Variants in JADE2 observed in about 807,000 individuals in gnomAD.
JADE2 encodes the protein E3 ubiquitin-protein ligase Jade-2.
In JADE2, 13 loss-of-function variants were observed where a neutral mutation model predicts 85.7. The observed-to-expected ratio is 0.15, with a 90% CI of 0.10 to 0.24. The LOEUF (loss-of-function observed/expected upper bound fraction) is 0.24, where lower values mean the gene tolerates loss of function less well. Ranked by LOEUF, JADE2 falls within the 10% of genes least tolerant of loss-of-function variation. The pLI is 1.00. For missense variants in JADE2, 846 were observed against 1,115.9 expected, an observed-to-expected ratio of 0.76 and a Z score of 3.45; for synonymous variants, 440 against 456.1, an observed-to-expected ratio of 0.96 and a Z score of 0.45.
At chr5:134,544,706 A>G (rs1762186287) in intron 3 of JADE2, among the ~76,000 whole-genome samples, 2 of 151,720 alleles carry the variant, frequency 1.3e-5, no homozygotes, top group South Asian at 4.2e-4. Flanking sequence ...AATGTGTAGC[A>G]CTTAGTCCCT....
Position 134,538,014 on chromosome 5 carries a change from A to G in JADE2, c.84A>G (p.Ser28=), listed in dbSNP as rs1416285023. Residue 28 remains serine, a synonymous_variant, in exon 3 of 12, where the codon TCA becomes TCG. Coordinates refer to ENST00000681547, the MANE Select transcript of JADE2 (RefSeq NM_001388185.1). The stretch of plus-strand genomic sequence containing the variant: ...GTCATGCGACATCTACATCCGCATC[A>G]AGATGCTCCAAACTGCCCAGCAGCA... ...TDSHATSTSA[S]RCSKLPSSTK... The G allele has an allele frequency of 1.2e-6, 2 of 1,614,166 alleles. No individual in the cohort carries two copies. The highest frequency in any genetic ancestry group is 1.3e-5 in the African/African-American group (1 of 75,052).
At chr5:134,552,274 G>A (rs1330768450) in intron 4 of JADE2, 65 bp downstream of exon 4, 2 of 1,480,760 alleles carry the variant, frequency 1.4e-6, no homozygotes, top group Non-Finnish European at 1.8e-6. Flanking sequence ...CTGCTTTCCA[G>A]GTTAGGTGAC....
intron 9 of JADE2, among the ~76,000 whole-genome samples, chr5:134,570,044 C>G (rs1023779337): frequency 6.6e-6 from 1 of 152,184 alleles, no homozygotes; most frequent in African/African-American, 2.4e-5. Flanking sequence ...GCTTTCTTCA[C>G]TCACTCCCTG....
At chr5:134,530,928 C>A (rs1222960499) in intron 1 of JADE2, among the ~76,000 whole-genome samples, 2 of 152,156 alleles carry the variant, frequency 1.3e-5, no homozygotes, top group Non-Finnish European at 2.9e-5. Context: ...CTCAGCACTC[C>A]CTAGTATGTC....
At chr5:134,539,972 T>A (rs1761870578) in intron 3 of JADE2, among the ~76,000 whole-genome samples, 1 of 151,854 alleles carries the variant, frequency 6.6e-6, no homozygotes, top group Admixed American at 6.6e-5. Flanking sequence ...CATGGCCCCA[T>A]GGTGGGTAGG....
At chr5:134,536,204 G>T (rs1247354077) in intron 2 of JADE2, among the ~76,000 whole-genome samples, 1 of 152,104 alleles carries the variant, frequency 6.6e-6, no homozygotes, top group Non-Finnish European at 1.5e-5. Flanking sequence ...TCCACTCTGG[G>T]CTTCTGCATA....
rs552173180 is a variant in JADE2 at position 134,577,056 on chromosome 5, C to G, written c.1681+160C>G. Reference sequence around the variant, plus strand: ...TTGCCCAGGTGCACACACCTTCCACCCACAAAGGAGACAGATCTCAGAGCC... The same window carrying G: ...TTGCCCAGGTGCACACACCTTCCACGCACAAAGGAGACAGATCTCAGAGCC... On this transcript the variant is annotated intron_variant, in intron 11 of 11. Transcript: ENST00000681547. 3.4e-5 allele frequency: 26 copies of G among 754,148 alleles called. No individual in the cohort carries two copies. In the East Asian group the frequency reaches 7.8e-4, roughly 23 times the overall value. 46.7% of individuals were successfully genotyped at this position (754,148 alleles called of 1,614,324 possible).
intron 1 of JADE2, chr5:134,526,653 GTGCACGCGGGCGC>G (rs1442805547): frequency 3.0e-5 from 30 of 985,380 alleles, no homozygotes; most frequent in South Asian, 1.4e-4. Flanking sequence ...TCCCGGCCCG[GTGCACGCGGGCGC>G]TGCACGCGGG....
chr5:134,548,728 G>T (rs1762438847), intron 3 of JADE2, among the ~76,000 whole-genome samples: 1 of 152,220 alleles, frequency 6.6e-6, no homozygotes, highest in Non-Finnish European at 1.5e-5. Context: ...CTCAGTGCCA[G>T]GCCTGGTTCT....
At chr5:134,561,061 A>C in intron 6 of JADE2, 104 bp downstream of exon 6, 1 of 899,064 alleles carries the variant, frequency 1.1e-6, no homozygotes. Context: ...AGAAGCCCTT[A>C]AGAAGGAGGA....
At chr5:134,537,232 A>G (rs530803524) in intron 2 of JADE2, among the ~76,000 whole-genome samples, 1 of 152,178 alleles carries the variant, frequency 6.6e-6, no homozygotes, top group Non-Finnish European at 1.5e-5. Flanking sequence ...TGCTACTCCT[A>G]TTCAGCCAAA....
chr5:134,525,850 G>GCCCGGCCGCCTCCCTCGCCGCGAC lies in JADE2; in HGVS notation c.-156_-133dup. The GCCCGGCCGCCTCCCTCGCCGCGAC allele has an allele frequency of 1.0e-6, 1 of 990,812 alleles. No individual in the cohort carries two copies. Among genetic ancestry groups the GCCCGGCCGCCTCCCTCGCCGCGAC allele is most frequent in the Middle Eastern group, 3.1e-4 (1 of 3,202 alleles). 61.4% of individuals were successfully genotyped at this position (990,812 alleles called of 1,614,324 possible). A position where few individuals can be genotyped will look rare whatever the true frequency, so the allele number is the denominator to read the frequency against. Reference sequence around the variant, plus strand: ...GGGCGTGGGGCCTGGGACGCCGCGGGCCCGGCCGCCTCCCTCGCCGCGACC... The same window carrying GCCCGGCCGCCTCCCTCGCCGCGAC: ...GGGCGTGGGGCCTGGGACGCCGCGGGCCCGGCCGCCTCCCTCGCCGCGACCCCGGCCGCCTCCCTCGCCGCGACC... On this transcript the variant is annotated 5_prime_UTR_variant, in exon 1 of 12. Coordinates refer to ENST00000681547, the MANE Select transcript of JADE2 (RefSeq NM_001388185.1).
At position 134,560,943 on chromosome 5, in the gene JADE2, G is replaced by A. The variant is rs373700889; in HGVS notation, c.670G>A (p.Val224Ile). 6.2e-6 allele frequency: 10 copies of A among 1,613,210 alleles called. No individual in the cohort carries two copies. The African/African-American group carries it at 9.3e-5, about 15-fold the overall frequency. Reference protein sequence around the residue: ...NEMVFCDKCNVCVHQACYGIL... With the variant: ...NEMVFCDKCNICVHQACYGIL... ...GATGGTCTTCTGTGACAAGTGCAAC[G>A]TCTGTGTGCATCAGGTGGGCAGACC... Residue 224 changes from valine (V) to isoleucine (I), a missense_variant, in exon 6 of 12, where the codon GTC (valine) becomes ATC (isoleucine). Physicochemically the swap from Val to Ile is conservative, Grantham distance 29 (BLOSUM62 3). Around this residue, in one of 9 missense-constraint regions of JADE2, gnomAD observed 129 missense variants for 255.4 expected, o/e 0.51. Transcript: ENST00000681547.
intron 10 of JADE2, chr5:134,574,115 C>G (rs1414199841): frequency 2.9e-6 from 1 of 350,174 alleles, no homozygotes; most frequent in Non-Finnish European, 5.4e-6. Context: ...GCAGGAAGGG[C>G]CAGAAGCTGG....
rs1197875931 is a variant in JADE2 at position 134,564,618 on chromosome 5, G to A, written c.969+8G>A. ...ACAGGCACCTGCATCCAGGTATGTGGCCTACTTCACCTCCTGCTGCCAGGA... is the reference window on the plus strand; with the variant it reads ...ACAGGCACCTGCATCCAGGTATGTGACCTACTTCACCTCCTGCTGCCAGGA... On this transcript the variant is annotated splice_region_variant and intron_variant, in intron 8 of 11. Transcript: ENST00000681547. The A allele has an allele frequency of 1.3e-6, 2 of 1,520,006 alleles. No homozygotes were observed. Among genetic ancestry groups the A allele is most frequent in the East Asian group, 2.4e-5 (1 of 40,936 alleles). 94.2% of individuals were successfully genotyped at this position (1,520,006 alleles called of 1,614,324 possible).
At chr5:134,548,167 G>T (rs1480936476) in intron 3 of JADE2, among the ~76,000 whole-genome samples, 1 of 152,222 alleles carries the variant, frequency 6.6e-6, no homozygotes, top group South Asian at 2.1e-4. Flanking sequence ...AGTGGAGAGC[G>T]ACTGGAGGCC....
At position 134,566,099 on chromosome 5, in the gene JADE2, C is replaced by T. The variant is rs965301821; in HGVS notation, c.970-17C>T. 5.6e-6 allele frequency: 9 copies of T among 1,601,792 alleles called. No homozygotes were observed. The African/African-American group carries it at 1.1e-4, about 19-fold the overall frequency. ...AGGCTCCCTCCATGTCTGATCCTGC[C>T]CCTCCTTTCCCCTCAGTGTTCCATG... is the stretch of plus-strand genomic sequence containing the variant. On this transcript the variant is annotated splice_polypyrimidine_tract_variant and intron_variant, in intron 8 of 11. Transcript: ENST00000681547. The surrounding 1 kb of genome is among the most constrained non-coding windows in gnomAD (Gnocchi z 6.7).
chr5:134,545,671 T>C (rs780635226), intron 3 of JADE2, among the ~76,000 whole-genome samples: 5 of 152,200 alleles, frequency 3.3e-5, no homozygotes, highest in Non-Finnish European at 5.9e-5. Flanking sequence ...TTCACCTTTC[T>C]GAATCTCAGT....
intron 7 of JADE2, chr5:134,564,224 G>A (rs990817034): frequency 8.3e-5 from 26 of 313,446 alleles, no homozygotes; most frequent in East Asian, 1.9e-4. Flanking sequence ...ACACACTGAC[G>A]GCACACTCAC....
Sources: allele counts gnomAD v4.1 joint callset (sites outside exome capture counted in the v4.1 genomes callset), GRCh38; gene constraint gnomAD v4.1.1; regional missense constraint gnomAD v4.1.1; non-coding constraint Gnocchi (gnomAD v3.1); transcripts MANE v1.5; gene names NCBI Gene and HGNC (gene_info 2026-07-23, HGNC 2026-07-21).